Variants in KDM3B observed in about 807,000 individuals in gnomAD.
KDM3B encodes lysine-specific demethylase 3B.
Under a neutral mutation model 170.0 loss-of-function variants are expected in KDM3B, and 10 were observed. The ratio of observed to expected loss-of-function variants is 0.06; its 90% CI spans 0.04 to 0.10. The LOEUF is 0.10. Among genes scored for constraint, KDM3B ranks in the 10% least tolerant of loss-of-function variants. The pLI, the probability that KDM3B is intolerant of heterozygous loss-of-function variation, is 1.00. For missense variants in KDM3B, 1,394 were observed against 2,195.2 expected (o/e 0.64, Z 7.29); for synonymous variants, 831 against 834.8 (o/e 1.00, Z 0.08).
intron 11 of KDM3B, among the ~76,000 whole-genome samples, chr5:138,413,844 C>T (rs1763037228): frequency 6.6e-6 from 1 of 152,106 alleles, no homozygotes; most frequent in African/African-American, 2.4e-5. Flanking sequence ...TCTCAAGCTC[C>T]TGGGCTCAAG....
intron 15 of KDM3B, among the ~76,000 whole-genome samples, chr5:138,422,769 CT>C (rs1482355216): frequency 6.6e-6 from 1 of 152,172 alleles, no homozygotes; most frequent in Non-Finnish European, 1.5e-5. Context: ...TGTTTTTCCC[CT>C]AAATGTTCTA....
intron 11 of KDM3B, among the ~76,000 whole-genome samples, chr5:138,402,516 TTTG>T (rs1762718071): frequency 6.6e-6 from 1 of 152,222 alleles, no homozygotes; most frequent in African/African-American, 2.4e-5. Context: ...CCCTCACAAC[TTTG>T]TTGTTTTGAA....
intron 1 of KDM3B, among the ~76,000 whole-genome samples, chr5:138,356,636 CTTTTTTTTTTTTTTT>C (rs539401228): frequency 1.2e-5 from 1 of 85,994 alleles, no homozygotes; most frequent in Admixed American, 1.4e-4. Flanking sequence ...TGTCTCTTGA[CTTTTTTTTTTTTTTT>C]TTTTTTTTTG....
intron 7 of KDM3B, 152 bp downstream of exon 7, chr5:138,386,773 T>G: frequency 3.0e-6 from 3 of 1,000,096 alleles, no homozygotes; most frequent in Non-Finnish European, 4.3e-6. Flanking sequence ...TACTGCTCAC[T>G]GGGCAAATGT....
intron 7 of KDM3B, among the ~76,000 whole-genome samples, chr5:138,388,653 A>AC (rs59222876): frequency 0.34 from 49,667 of 144,282 alleles, 9,688 homozygotes; most frequent in South Asian, 0.49. Flanking sequence ...AAAAAAAAAA[A>AC]AAAAAAAAAA....
intron 23 of KDM3B, among the ~76,000 whole-genome samples, chr5:138,433,102 C>A (rs1490137358): frequency 6.7e-6 from 1 of 149,386 alleles, no homozygotes; most frequent in Non-Finnish European, 1.5e-5. Context: ...GAGTCTGATG[C>A]ACTTTTCCTT....
chr5:138,435,297 C>T (rs1407869331), intron 23 of KDM3B, among the ~76,000 whole-genome samples: 2 of 152,164 alleles, frequency 1.3e-5, no homozygotes, highest in Admixed American at 6.5e-5. Flanking sequence ...GTAAATTGGG[C>T]ATGATAATAA....
At position 138,399,463 on chromosome 5, in the gene KDM3B, G is replaced by A. The variant is rs549165421; in HGVS notation, c.3047-397G>A. On this transcript the variant is annotated intron_variant, in intron 10 of 23. Transcript: ENST00000314358. Reference sequence around the variant, plus strand: ...TGAGGCAGGTGAATGGTATGAACCCGGGAGGCGGAGCTTGCAGTGAGCCAA... The same window carrying A: ...TGAGGCAGGTGAATGGTATGAACCCAGGAGGCGGAGCTTGCAGTGAGCCAA... Among the ~76,000 whole-genome samples, 30 of 151,880 alleles carry A rather than the reference G, an allele frequency of 2.0e-4. No individual in the cohort carries two copies. The South Asian group carries it at 2.7e-3, about 14-fold the overall frequency.
At chr5:138,376,103 A>C (rs1006757048) in intron 3 of KDM3B, among the ~76,000 whole-genome samples, 1 of 151,948 alleles carries the variant, frequency 6.6e-6, no homozygotes, top group Non-Finnish European at 1.5e-5. Context: ...CAGCCTCCCA[A>C]CTAGCTTGGG....
intron 1 of KDM3B, among the ~76,000 whole-genome samples, chr5:138,370,208 C>T (rs1490839422): frequency 1.3e-5 from 2 of 152,194 alleles, no homozygotes; most frequent in African/African-American, 4.8e-5. Context: ...TCATGCTTCT[C>T]TCTGAGCCTT....
In KDM3B at chr5:138,420,843, A is replaced by C. The variant is rs779509369; in HGVS notation, c.3853A>C (p.Asn1285His). 2.5e-6 allele frequency: 4 copies of C among 1,614,116 alleles called. No homozygotes were observed. Among genetic ancestry groups the C allele is most frequent in the Non-Finnish European group, 3.4e-6 (4 of 1,180,024 alleles). The change falls in exon 15 of 24, where the codon AAC becomes CAC. Residue 1285 changes from asparagine (N) to histidine (H), a missense_variant. Physicochemically the swap from Asn to His is moderately conservative, Grantham distance 68. Coordinates refer to ENST00000314358, the MANE Select transcript of KDM3B (RefSeq NM_016604.4). The part of the protein sequence containing the change: ...NSLLLGPTAS[N>H]NKTEGSSLRD... ...TCTGTTGCTGGGTCCCACTGCCTCC[A>C]ACAACAAAACCGAAGGGTCTAGCCT...
chr5:138,415,122 T>C lies in KDM3B; in HGVS notation c.3200-10T>C, dbSNP rs774195933. The C allele has an allele frequency of 6.4e-7, 1 of 1,561,072 alleles. No homozygotes were observed. Among genetic ancestry groups the C allele is most frequent in the South Asian group, 1.2e-5 (1 of 86,590 alleles). On this transcript the variant is annotated splice_polypyrimidine_tract_variant and intron_variant, in intron 11 of 23. Coordinates refer to ENST00000314358, the MANE Select transcript of KDM3B (RefSeq NM_016604.4). ...CCCTTATAAAATAAGTGAAATCATTTCTATTTCAGAGACAGAAGAGATGGG... is the reference window on the plus strand; with the variant it reads ...CCCTTATAAAATAAGTGAAATCATTCCTATTTCAGAGACAGAAGAGATGGG...
chr5:138,356,259 C>T lies in KDM3B; in HGVS notation c.192+3272C>T, dbSNP rs183273752. Among the ~76,000 whole-genome samples the T allele has an allele frequency of 3.1e-3, 472 of 152,172 alleles. 4 individuals are homozygous for T. The highest frequency in any genetic ancestry group is 0.011 in the African/African-American group (441 of 41,512). On this transcript the variant is annotated intron_variant, in intron 1 of 23. Transcript: ENST00000314358. ...TTAGCAATCCAGGGTTGAAATGGTTCGGTTAAGAAGTATATGTATTTTTTA... is the reference window on the plus strand; with the variant it reads ...TTAGCAATCCAGGGTTGAAATGGTTTGGTTAAGAAGTATATGTATTTTTTA...
At chr5:138,427,463 A>G in intron 19 of KDM3B, 144 bp downstream of exon 19, 2 of 917,450 alleles carry the variant, frequency 2.2e-6, no homozygotes, top group African/African-American at 1.7e-5. Context: ...GTGGTCTTGA[A>G]TATGTTTGCT....
At chr5:138,408,831 T>C (rs1406986697) in intron 11 of KDM3B, among the ~76,000 whole-genome samples, 2 of 152,212 alleles carry the variant, frequency 1.3e-5, no homozygotes, top group African/African-American at 4.8e-5. Flanking sequence ...GTCTAAATTA[T>C]CAAAAACCTA....
At chr5:138,387,016 G>A (rs1762280609) in intron 7 of KDM3B, among the ~76,000 whole-genome samples, 1 of 152,192 alleles carries the variant, frequency 6.6e-6, no homozygotes, top group African/African-American at 2.4e-5. Flanking sequence ...AAGGCTATGT[G>A]TGCAAGCTAC....
Position 138,353,623 on chromosome 5 carries a change from T to A in KDM3B, c.192+636T>A, listed in dbSNP as rs1239952181. On this transcript the variant is annotated intron_variant, in intron 1 of 23. Transcript: ENST00000314358. ...GCTTCTGGGTGACAGGAGCTGCAGT[T>A]GTGGCTGTTTTTGTTAAGTTTGAGA... Among the ~76,000 whole-genome samples, 4 of 152,190 alleles carry A rather than the reference T, an allele frequency of 2.6e-5. No homozygotes were observed. In the East Asian group the frequency reaches 5.8e-4, roughly 22 times the overall value.
intron 11 of KDM3B, among the ~76,000 whole-genome samples, chr5:138,407,913 G>A (rs542674396): frequency 1.3e-5 from 2 of 152,298 alleles, no homozygotes; most frequent in East Asian, 3.9e-4. Context: ...AATTACTTAG[G>A]TGGATACTGA....
chr5:138,436,249 A>G lies in KDM3B; in HGVS notation c.*549A>G, dbSNP rs564875370. The G allele has an allele frequency of 2.6e-5, 4 of 152,438 alleles. No homozygotes were observed. The highest frequency in any genetic ancestry group is 9.6e-5 in the African/African-American group (4 of 41,566). The allele number at this position is 152,438 out of a possible 1,614,324, so 9.4% of individuals were successfully genotyped here. On this transcript the variant is annotated 3_prime_UTR_variant, in exon 24 of 24. Transcript: ENST00000314358. ...GTCTTGCAAGACCCAGGGAGAACCC[A>G]CTGCTTTTCCCAGGAGGCTCCAGGA...
Sources: gnomAD v4.1 joint callset for allele counts (sites outside exome capture counted in the v4.1 genomes callset) on GRCh38, gnomAD v4.1.1 for gene constraint, MANE v1.5 for transcripts, NCBI Gene and HGNC (gene_info 2026-07-23, HGNC 2026-07-21) for gene names.